Variants in STK40 observed in about 807,000 individuals in gnomAD.
The protein encoded by STK40 is serine/threonine-protein kinase 40.
STK40 carries 13 observed loss-of-function variants against 47.9 expected under a neutral mutation model. That is an observed-to-expected ratio of 0.27 (90% CI 0.18 to 0.43). STK40 has a LOEUF of 0.43. Ranked by LOEUF, STK40 falls within the 20% of genes least tolerant of loss-of-function variation. STK40 has a pLI of 1.00. For synonymous variants in STK40, 225 were observed against 243.2 expected, an observed-to-expected ratio of 0.93 and a Z score of 0.69; for missense variants, 460 against 595.1, an observed-to-expected ratio of 0.77 and a Z score of 2.36.
chr1:36,377,112 G>C (rs1189725359), intron 1 of STK40, among the ~76,000 whole-genome samples: 1 of 152,082 alleles, frequency 6.6e-6, no homozygotes, highest in Non-Finnish European at 1.5e-5. Context: ...ATAGAACTAA[G>C]GGCCCAAGGA....
At chr1:36,358,558 A>G (rs966858751) in intron 3 of STK40, among the ~76,000 whole-genome samples, 176 bp from the exon 4 acceptor site, 1 of 152,240 alleles carries the variant, frequency 6.6e-6, no homozygotes, top group African/African-American at 2.4e-5. Context: ...ATTTATGCAC[A>G]GACAAAACTC....
rs539561787 is a variant in STK40, at chr1:36,343,895, G to A, written c.969C>T (p.Asp323=). The A allele has an allele frequency of 3.9e-5, 62 of 1,606,190 alleles. No individual in the cohort carries two copies. In the South Asian group the frequency reaches 5.1e-4, roughly 13 times the overall value. ...LDPQQRLAAA[D]VLEALSAIIA... is the part of the protein sequence containing the mutation. ...TGATGGCACTGAGGGCCTCCAGGAC[G>A]TCGGCGGCGGCCAGGCGCTGCTGGG... Residue 323 remains aspartate (D), a synonymous_variant, in exon 9 of 11, where the codon GAC becomes GAT. Transcript: ENST00000373132.
At position 36,341,989 on chromosome 1, in the gene STK40, G is replaced by C. The variant is rs1411847092; in HGVS notation, c.1090-16C>G. 6.2e-7 allele frequency: 1 copy of C among 1,603,210 alleles called. No individual in the cohort carries two copies. Among genetic ancestry groups the C allele is most frequent in the South Asian group, 1.1e-5 (1 of 90,136 alleles). On this transcript the variant is annotated splice_polypyrimidine_tract_variant and intron_variant, in intron 10 of 10. Coordinates refer to ENST00000373132, the MANE Select transcript of STK40 (RefSeq NM_001282547.2). Reference sequence around the variant, plus strand: ...TCACCTTCGCCTTTGAGGCGGGGAGGGTGGGAAGGAGACAAAGATAAACCC... The same window carrying C: ...TCACCTTCGCCTTTGAGGCGGGGAGCGTGGGAAGGAGACAAAGATAAACCC...
intron 1 of STK40, among the ~76,000 whole-genome samples, chr1:36,371,685 CAA>C (rs57138983): frequency 3.7e-3 from 105 of 28,012 alleles, no homozygotes; most frequent in African/African-American, 0.011. Context: ...ACCCTGTCTC[CAA>C]AAAAAAAAAA....
rs1438992692 is a variant in STK40 at position 36,361,988 on chromosome 1, T to C, written c.-8-648A>G. Among the ~76,000 whole-genome samples the C allele has an allele frequency of 2.0e-5, 3 of 152,206 alleles. No homozygotes were observed. The East Asian group carries it at 5.8e-4, about 29-fold the overall frequency. On this transcript the variant is annotated intron_variant, in intron 1 of 10. Coordinates refer to ENST00000373132, the MANE Select transcript of STK40 (RefSeq NM_001282547.2). ...CAAAGTTGTCAATGGCAGGGTTTAC[T>C]TTCTCTTCCCTCATAAACTCAAACT...
intron 1 of STK40, among the ~76,000 whole-genome samples, chr1:36,383,266 C>T (rs1016409430): frequency 6.6e-6 from 1 of 152,214 alleles, no homozygotes; most frequent in Admixed American, 6.5e-5. Context: ...TTAACTATTA[C>T]AATCTACTGC....
Position 36,355,449 on chromosome 1 carries a change from G to A in STK40, c.343-16C>T. On this transcript the variant is annotated splice_polypyrimidine_tract_variant and intron_variant, in intron 4 of 10. Coordinates refer to ENST00000373132, the MANE Select transcript of STK40 (RefSeq NM_001282547.2). The stretch of plus-strand genomic sequence containing the variant: ...AGGTGCGGTCCTGGGAGGCAAGGGG[G>A]TAGCGCAGGGCTTGGCTGTGAACTT... 1.2e-6 allele frequency: 2 copies of A among 1,613,804 alleles called. No homozygotes were observed. The highest frequency in any genetic ancestry group is 1.7e-6 in the Non-Finnish European group (2 of 1,179,688).
rs1646672279 is a variant in STK40, at chr1:36,343,437, G to A, written c.1016C>T (p.Ser339Leu). 1 of 1,613,126 alleles carries A rather than the reference G, an allele frequency of 6.2e-7. No individual in the cohort carries two copies. Among genetic ancestry groups the A allele is most frequent in the African/African-American group, 1.3e-5 (1 of 74,930 alleles). ...CACTTGCAAAGGCCCACTCAGAGAT[G>A]ACAGGGACTGCCTGCAGGGAGGCAG... ...SAIIASWQSL[S>L]SLSGPLQVVP... Residue 339 changes from serine (S) to leucine (L), a missense_variant, in exon 10 of 11, where the codon TCA (serine) becomes TTA (leucine). Physicochemically the swap from Ser to Leu is moderately radical, Grantham distance 145. Coordinates refer to ENST00000373132, the MANE Select transcript of STK40 (RefSeq NM_001282547.2).
At chr1:36,358,877 C>T in intron 2 of STK40, 55 bp from the exon 3 acceptor site, 3 of 1,603,596 alleles carry the variant, frequency 1.9e-6, no homozygotes, top group Non-Finnish European at 2.6e-6. Context: ...TGTCACGACG[C>T]CAGGTCACCA....
chr1:36,344,087 T>TGCCCCCCCCCCCCCCCCGGAGGGAGG, intron 8 of STK40, 33 bp downstream of exon 8: 1 of 1,600,654 alleles, frequency 6.2e-7, no homozygotes, highest in Non-Finnish European at 8.5e-7. Context: ...TCAGGCTGGC[T>TGCCCCCCCCCCCCCCCCGGAGGGAGG]GCCCCCCCCA....
chr1:36,351,661 C>T (rs565403777), intron 6 of STK40, among the ~76,000 whole-genome samples: 7 of 152,300 alleles, frequency 4.6e-5, no homozygotes, highest in East Asian at 1.9e-4. Context: ...CTGAGGAGCA[C>T]GCACTCACAC....
chr1:36,369,815 G>A (rs925782223), intron 1 of STK40, among the ~76,000 whole-genome samples: 2 of 152,226 alleles, frequency 1.3e-5, no homozygotes, highest in Non-Finnish European at 2.9e-5. Context: ...CCCACTGCCT[G>A]GCGCAAAGCT....
intron 1 of STK40, among the ~76,000 whole-genome samples, chr1:36,380,893 G>A (rs1647034446): frequency 6.6e-6 from 1 of 152,122 alleles, no homozygotes; most frequent in Admixed American, 6.5e-5. Flanking sequence ...GAGAGGGTGT[G>A]CCCAGGGTTT....
chr1:36,380,875 C>T (rs1195543864), intron 1 of STK40, among the ~76,000 whole-genome samples: 1 of 152,172 alleles, frequency 6.6e-6, no homozygotes, highest in Non-Finnish European at 1.5e-5. Flanking sequence ...TCCAACTGAT[C>T]CTCTCCCGAG....
intron 6 of STK40, among the ~76,000 whole-genome samples, chr1:36,353,772 G>A (rs1646779192): frequency 6.6e-6 from 1 of 152,132 alleles, no homozygotes; most frequent in Non-Finnish European, 1.5e-5. Flanking sequence ...ACTTCACTGC[G>A]GTTCAGCTTC....
chr1:36,384,579 T>A (rs890180155), intron 1 of STK40, among the ~76,000 whole-genome samples: 8 of 152,206 alleles, frequency 5.3e-5, no homozygotes, highest in Non-Finnish European at 1.2e-4. Context: ...TACACACAGC[T>A]GGAAAGTTGC....
At chr1:36,370,750 G>C (rs6425984) in intron 1 of STK40, among the ~76,000 whole-genome samples, 31,786 of 152,106 alleles carry the variant, frequency 0.21, 4,867 homozygotes, top group African/African-American at 0.43. Flanking sequence ...TGAATATAAT[G>C]ATCCCTCAAT....
At chr1:36,360,842 C>T (rs1456589923) in intron 2 of STK40, among the ~76,000 whole-genome samples, 3 of 152,144 alleles carry the variant, frequency 2.0e-5, no homozygotes, top group Admixed American at 2.0e-4. Context: ...TGCACCTGGC[C>T]AGAGCTTGGG....
chr1:36,373,455 G>A (rs1238191093), intron 1 of STK40, among the ~76,000 whole-genome samples: 1 of 152,190 alleles, frequency 6.6e-6, no homozygotes, highest in Non-Finnish European at 1.5e-5. Flanking sequence ...GGCCCAGGTT[G>A]AGGCTCTGGT....
Sources: allele counts gnomAD v4.1 joint callset (sites outside exome capture counted in the v4.1 genomes callset), GRCh38; gene constraint gnomAD v4.1.1; transcripts MANE v1.5; gene names NCBI Gene and HGNC (gene_info 2026-07-23, HGNC 2026-07-21).